The following RPS6KC1 variants were observed in gnomAD, a reference collection of about 807,000 sequenced individuals.
RPS6KC1 encodes ribosomal protein S6 kinase C1.
Under a neutral mutation model 103.8 loss-of-function variants are expected in RPS6KC1, and 54 were observed. The observed-to-expected ratio is 0.52, with a 90% CI of 0.42 to 0.65. The LOEUF (loss-of-function observed/expected upper bound fraction) is 0.65, where lower values mean the gene tolerates loss of function less well. RPS6KC1 is among the 30% of genes least tolerant of loss of function. The pLI is 0.00. For missense variants in RPS6KC1, 1,151 were observed against 1,253.8 expected (o/e 0.92, Z 1.24); for synonymous variants, 439 against 438.7 (o/e 1.00, Z -0.01).
At chr1:213,411,735 T>C in the RPS6KC1 span, among the ~76,000 whole-genome samples, 2 of 152,254 alleles carry the variant, frequency 1.3e-5, no homozygotes. Context: ...GAGGAGTTCC[T>C]GGGGGCGCTG....
the RPS6KC1 span, among the ~76,000 whole-genome samples, chr1:213,745,313 T>C: frequency 6.6e-6 from 1 of 151,452 alleles, no homozygotes; most frequent in African/African-American, 2.4e-5. Flanking sequence ...ATTGAGTCCC[T>C]TGGCTAAAGA....
chr1:213,069,916 A>G (rs1241653348), intron 1 of RPS6KC1, among the ~76,000 whole-genome samples: 2 of 152,158 alleles, frequency 1.3e-5, no homozygotes, highest in Non-Finnish European at 2.9e-5. Flanking sequence ...TAGCCTTTTC[A>G]AAAGTTTTGT....
the RPS6KC1 span, among the ~76,000 whole-genome samples, chr1:213,427,451 C>A: frequency 6.6e-6 from 1 of 152,148 alleles, no homozygotes; most frequent in East Asian, 1.9e-4. Context: ...ACCTCAAAGG[C>A]CAAATTTTAG....
chr1:213,760,254 C>T, the RPS6KC1 span, among the ~76,000 whole-genome samples: 1 of 152,288 alleles, frequency 6.6e-6, no homozygotes, highest in Admixed American at 6.5e-5. Flanking sequence ...CATACATACA[C>T]ACACACCACA....
chr1:213,632,126 A>G, the RPS6KC1 span, among the ~76,000 whole-genome samples: 4 of 152,202 alleles, frequency 2.6e-5, no homozygotes, highest in African/African-American at 9.7e-5. Flanking sequence ...TCCACCATAC[A>G]CTTTTATCAG....
At chr1:213,746,129 A>G in the RPS6KC1 span, among the ~76,000 whole-genome samples, 8 of 152,236 alleles carry the variant, frequency 5.3e-5, no homozygotes, top group Non-Finnish European at 7.3e-5. Context: ...GAAGATGGGC[A>G]ATAAGCAATA....
the RPS6KC1 span, among the ~76,000 whole-genome samples, chr1:213,722,269 A>G: frequency 6.6e-6 from 1 of 152,082 alleles, no homozygotes; most frequent in African/African-American, 2.4e-5. Context: ...TCATGTCTCA[A>G]ATCTTTGCTG....
chr1:213,274,546 AATAC>A lies in RPS6KC1; in HGVS notation c.*1915_*1918del, dbSNP rs1286235880. The A allele has an allele frequency of 2.0e-5, 3 of 152,138 alleles. No homozygotes were observed. Among genetic ancestry groups the A allele is most frequent in the African/African-American group, 7.2e-5 (3 of 41,424 alleles). 9.4% of individuals were successfully genotyped at this position (152,138 alleles called of 1,614,324 possible). A position where few individuals can be genotyped will look rare whatever the true frequency, so the allele number is the denominator to read the frequency against. On this transcript the variant is annotated 3_prime_UTR_variant, in exon 15 of 15. Transcript: ENST00000366960. ...TTGGTTGGAGCTTGTGCCTAATGTA[AATAC>A]ATCATTCATAATTAGAATGGACATT...
At chr1:213,635,147 A>C in the RPS6KC1 span, among the ~76,000 whole-genome samples, 1 of 152,216 alleles carries the variant, frequency 6.6e-6, no homozygotes, top group East Asian at 1.9e-4. Context: ...ACCAACCAAA[A>C]AAAGTCCAGG....
Position 213,167,439 on chromosome 1 carries a change from AACACAC to A in RPS6KC1, c.836-373_836-368del, listed in dbSNP as rs199762137. ...TTTTTAGAAAAAAACCAAGGTTGAA[AACACAC>A]ACACACACACACACACACACACACA... On this transcript the variant is annotated intron_variant, in intron 6 of 14. Transcript: ENST00000366960. 6.9e-3 allele frequency among the ~76,000 whole-genome samples: 521 copies of A among 75,982 alleles called. 2 individuals are homozygous for A. The highest frequency in any genetic ancestry group is 0.017 in the Admixed American group (145 of 8,660). 49.8% of individuals were successfully genotyped at this position (75,982 alleles called of 152,430 possible). A position where few individuals can be genotyped will look rare whatever the true frequency, so the allele number is the denominator to read the frequency against.
chr1:213,398,238 G>T, the RPS6KC1 span, among the ~76,000 whole-genome samples: 2 of 146,342 alleles, frequency 1.4e-5, no homozygotes, highest in Non-Finnish European at 3.0e-5. Flanking sequence ...TAGAGACAGG[G>T]TTTCACCATT....
At chr1:213,791,141 A>G in the RPS6KC1 span, among the ~76,000 whole-genome samples, 2 of 152,268 alleles carry the variant, frequency 1.3e-5, no homozygotes, top group South Asian at 4.1e-4. Context: ...TCTTTCATAG[A>G]AGCATGAAGT....
the RPS6KC1 span, among the ~76,000 whole-genome samples, chr1:213,416,771 A>G: frequency 2.1e-4 from 32 of 152,300 alleles, no homozygotes; most frequent in South Asian, 2.3e-3. Context: ...GGCCAGCTCC[A>G]GAGACCCTGG....
chr1:213,502,448 T>C, the RPS6KC1 span, among the ~76,000 whole-genome samples: 6 of 152,236 alleles, frequency 3.9e-5, no homozygotes, highest in African/African-American at 7.2e-5. Context: ...ACAATTACTT[T>C]ATGAAATGTT....
intron 14 of RPS6KC1, among the ~76,000 whole-genome samples, chr1:213,271,758 C>G (rs1220674821): frequency 5.4e-5 from 4 of 73,418 alleles, no homozygotes; most frequent in Non-Finnish European, 7.7e-5. Context: ...AGCGAAACTC[C>G]GTCTCAAAAA....
chr1:213,494,770 T>TA, the RPS6KC1 span, among the ~76,000 whole-genome samples: 1 of 151,952 alleles, frequency 6.6e-6, no homozygotes, highest in African/African-American at 2.4e-5. Context: ...AAATATGTGA[T>TA]AAAATTTTTT....
chr1:213,645,710 T>C, the RPS6KC1 span, among the ~76,000 whole-genome samples: 1 of 152,222 alleles, frequency 6.6e-6, no homozygotes, highest in African/African-American at 2.4e-5. Flanking sequence ...GCAAAGCCTC[T>C]GATACAATTT....
At chr1:213,094,401 A>G (rs1327845056) in intron 3 of RPS6KC1, among the ~76,000 whole-genome samples, 1 of 145,200 alleles carries the variant, frequency 6.9e-6, no homozygotes, top group African/African-American at 2.5e-5. Context: ...TTTTTTTTTG[A>G]TTCATAATCA....
At chr1:213,544,782 A>G in the RPS6KC1 span, among the ~76,000 whole-genome samples, 7,391 of 152,068 alleles carry the variant, frequency 0.049, 627 homozygotes, top group African/African-American at 0.17. Flanking sequence ...TATTCACCTT[A>G]GAGGGTCTTC....
Sources: allele counts gnomAD v4.1 joint callset (sites outside exome capture counted in the v4.1 genomes callset), GRCh38; gene constraint gnomAD v4.1.1; transcripts MANE v1.5; gene names NCBI Gene and HGNC (gene_info 2026-07-23, HGNC 2026-07-21).